Variants in CACNA1E observed in about 807,000 individuals in gnomAD.
CACNA1E encodes voltage-dependent R-type calcium channel subunit alpha-1E.
A neutral mutation model predicts 259.2 loss-of-function variants in CACNA1E; 40 were observed. That is an observed-to-expected ratio of 0.15 (90% CI 0.12 to 0.20). CACNA1E has a LOEUF of 0.20. Ranked by LOEUF, CACNA1E falls within the 10% of genes least tolerant of loss-of-function variation. The probability of loss-of-function intolerance (pLI) is 1.00; values close to 1 mark genes in which losing one functional copy is unlikely to be tolerated. For synonymous variants in CACNA1E, 1,104 were observed against 1,138.5 expected, an observed-to-expected ratio of 0.97 and a Z score of 0.61; for missense variants, 1,874 against 3,040.1, an observed-to-expected ratio of 0.62 and a Z score of 9.02.
At chr1:181,465,104 TTTATTTCGAGTCA>T (rs1330038678) in intron 2 of CACNA1E, among the ~76,000 whole-genome samples, 1 of 152,182 alleles carries the variant, frequency 6.6e-6, no homozygotes, top group Non-Finnish European at 1.5e-5. Flanking sequence ...TGGAAAAGTC[TTTATTTCGAGTCA>T]TAATTTAGCT....
Position 181,483,699 on chromosome 1 carries a change from C to T in CACNA1E, c.-46C>T, listed in dbSNP as rs777373838. ...CTGCTTGTTGCTGTGTGCGGGTGTT[C>T]GGCCGCGATCACCTTTGTGTGTCTT... On this transcript the variant is annotated 5_prime_UTR_variant, in exon 1 of 48. Coordinates refer to ENST00000367573, the MANE Select transcript of CACNA1E (RefSeq NM_001205293.3). 7.4e-6 allele frequency: 11 copies of T among 1,482,444 alleles called. No homozygotes were observed. The Admixed American group carries it at 2.3e-4, about 31-fold the overall frequency. The allele number at this position is 1,482,444 out of a possible 1,614,324, so 91.8% of individuals were successfully genotyped here.
chr1:181,490,843 G>A (rs1287237638), intron 1 of CACNA1E, among the ~76,000 whole-genome samples: 1 of 152,162 alleles, frequency 6.6e-6, no homozygotes, highest in Non-Finnish European at 1.5e-5. Flanking sequence ...GGGAAAGGAA[G>A]AAGTGCTCTG....
chr1:181,639,201 C>T (rs1349642423), intron 6 of CACNA1E, among the ~76,000 whole-genome samples: 1 of 151,990 alleles, frequency 6.6e-6, no homozygotes, highest in South Asian at 2.1e-4. Flanking sequence ...CATTCTCCTG[C>T]GTCAGCCTCC....
intron 2 of CACNA1E, among the ~76,000 whole-genome samples, chr1:181,471,600 A>G (rs557955436): frequency 9.9e-5 from 15 of 152,180 alleles, no homozygotes; most frequent in African/African-American, 3.4e-4. Flanking sequence ...TTTTCTCCCA[A>G]TGTTTTTCAA....
chr1:181,456,177 A>C (rs11810030), intron 2 of CACNA1E, among the ~76,000 whole-genome samples: 65,307 of 151,470 alleles, frequency 0.43, 15,688 homozygotes, highest in African/African-American at 0.67. Context: ...ATCATTGCTG[A>C]TGGTACCAGT....
At chr1:181,484,112 C>A (rs1663563666) in intron 1 of CACNA1E, 102 bp downstream of exon 1, 5 of 1,201,252 alleles carry the variant, frequency 4.2e-6, no homozygotes, top group Non-Finnish European at 3.6e-6. Context: ...TTCCTGGTGC[C>A]AATTTGCCCC....
chr1:181,577,150 G>T (rs1651058310), intron 3 of CACNA1E, among the ~76,000 whole-genome samples: 2 of 152,200 alleles, frequency 1.3e-5, no homozygotes, highest in Non-Finnish European at 2.9e-5. Context: ...TCTGGATTTG[G>T]CTGTGGAACA....
At chr1:181,388,684 T>C (rs1430403221) in intron 1 of CACNA1E, among the ~76,000 whole-genome samples, 2 of 151,664 alleles carry the variant, frequency 1.3e-5, no homozygotes, top group East Asian at 3.9e-4. Flanking sequence ...AGGTCGGGAG[T>C]TTGAGACCAG....
At chr1:181,552,295 T>C (rs1648257298) in intron 3 of CACNA1E, among the ~76,000 whole-genome samples, 2 of 152,230 alleles carry the variant, frequency 1.3e-5, no homozygotes, top group South Asian at 4.1e-4. Flanking sequence ...TATGAGCAGC[T>C]GATGCTGGGC....
chr1:181,736,396 G>T lies in CACNA1E; in HGVS notation c.3384G>T (p.Val1128=), dbSNP rs1463171513. 1.2e-6 allele frequency: 2 copies of T among 1,612,616 alleles called. No individual in the cohort carries two copies. Among genetic ancestry groups the T allele is most frequent in the African/African-American group, 2.7e-5 (2 of 74,908 alleles). ...AGCGTGAGACAGGCAAAGCCATGGT[G>T]CCCCACAGCTCAATGTTCATCTTCA... The part of the protein sequence containing the change: ...KEKRETGKAM[V]PHSSMFIFST... Residue 1128 remains valine (V), a synonymous_variant, in exon 22 of 48, where the codon GTG becomes GTT. Transcript: ENST00000367573.
chr1:181,706,436 A>G (rs1016998548), intron 7 of CACNA1E, among the ~76,000 whole-genome samples: 5 of 152,202 alleles, frequency 3.3e-5, no homozygotes, highest in African/African-American at 1.2e-4. Context: ...TCTAAGGTTT[A>G]TGAAGCTGAA....
At chr1:181,597,549 G>C (rs116296116) in intron 6 of CACNA1E, among the ~76,000 whole-genome samples, 25 of 152,298 alleles carry the variant, frequency 1.6e-4, no homozygotes, top group African/African-American at 5.8e-4. Flanking sequence ...TACACCTACT[G>C]TGTGCCCAGG....
At chr1:181,324,260 A>G (rs1166328725) in intron 1 of CACNA1E, among the ~76,000 whole-genome samples, 3 of 152,240 alleles carry the variant, frequency 2.0e-5, no homozygotes, top group Non-Finnish European at 2.9e-5. Context: ...ATTTAGAAAA[A>G]AAATCAGACC....
chr1:181,381,198 T>C (rs1655438084), intron 1 of CACNA1E, among the ~76,000 whole-genome samples: 1 of 151,078 alleles, frequency 6.6e-6, no homozygotes, highest in Non-Finnish European at 1.5e-5. Context: ...TATAAAGACC[T>C]GTACACAAGA....
chr1:181,571,540 A>G (rs930902489), intron 3 of CACNA1E, among the ~76,000 whole-genome samples: 1 of 152,224 alleles, frequency 6.6e-6, no homozygotes, highest in Non-Finnish European at 1.5e-5. Context: ...TTTTGAATGG[A>G]CACAGCAACT....
At chr1:181,346,635 C>G (rs973295831) in intron 1 of CACNA1E, among the ~76,000 whole-genome samples, 2 of 152,224 alleles carry the variant, frequency 1.3e-5, no homozygotes, top group Admixed American at 1.3e-4. Flanking sequence ...GGACCCTTCT[C>G]TAAGGGGAGT....
chr1:181,755,785 C>T (rs982574324), intron 28 of CACNA1E, among the ~76,000 whole-genome samples, 171 bp from the exon 29 acceptor site: 1 of 152,186 alleles, frequency 6.6e-6, no homozygotes, highest in African/African-American at 2.4e-5. Context: ...GCACCAAATC[C>T]CATTTTTGCT....
chr1:181,600,257 G>T (rs980323207), intron 6 of CACNA1E, among the ~76,000 whole-genome samples: 3 of 152,242 alleles, frequency 2.0e-5, no homozygotes, highest in African/African-American at 7.2e-5. Context: ...ACTCTGAGGG[G>T]CAAGAGGTCA....
intron 1 of CACNA1E, among the ~76,000 whole-genome samples, chr1:181,382,405 G>T (rs1290101229): frequency 6.6e-6 from 1 of 152,184 alleles, no homozygotes; most frequent in Non-Finnish European, 1.5e-5. Context: ...GCGAACAAGT[G>T]CTTGTGGAGT....
Sources: gnomAD v4.1 joint callset for allele counts (sites outside exome capture counted in the v4.1 genomes callset) on GRCh38, gnomAD v4.1.1 for gene constraint, MANE v1.5 for transcripts, NCBI Gene and HGNC (gene_info 2026-07-23, HGNC 2026-07-21) for gene names.